Variants in MAST2 observed in about 807,000 individuals in gnomAD.
The protein encoded by MAST2 is microtubule-associated serine/threonine-protein kinase 2.
MAST2 carries 70 observed loss-of-function variants against 147.4 expected under a neutral mutation model. The ratio of observed to expected loss-of-function variants is 0.47; its 90% CI spans 0.39 to 0.58. The LOEUF is 0.58. Ranked by LOEUF, MAST2 falls within the 20% of genes least tolerant of loss-of-function variation. The pLI is 0.00. For missense variants in MAST2, 2,080 were observed against 2,302.3 expected, an observed-to-expected ratio of 0.90 and a Z score of 1.98; for synonymous variants, 869 against 896.8, an observed-to-expected ratio of 0.97 and a Z score of 0.55.
At chr1:46,026,613 G>A (rs1012712043) in intron 16 of MAST2, among the ~76,000 whole-genome samples, 65 of 152,168 alleles carry the variant, frequency 4.3e-4, no homozygotes, top group Non-Finnish European at 1.2e-4. Flanking sequence ...ACCAGGGAAA[G>A]ACAGCAATGC....
intron 4 of MAST2, among the ~76,000 whole-genome samples, chr1:45,902,523 C>CA (rs1649957763): frequency 2.0e-5 from 3 of 151,368 alleles, no homozygotes; most frequent in Non-Finnish European, 4.4e-5. Flanking sequence ...CCCTCATACT[C>CA]AATTTTTTTT....
At chr1:45,849,636 C>T (rs1645559628) in intron 3 of MAST2, among the ~76,000 whole-genome samples, 1 of 152,048 alleles carries the variant, frequency 6.6e-6, no homozygotes, top group Non-Finnish European at 1.5e-5. Context: ...ACACCATTCT[C>T]CTGCCTCAGC....
rs1272494997 is a variant in MAST2 at position 46,034,827 on chromosome 1, G to A, written c.4158G>A (p.Arg1386=). The A allele has an allele frequency of 6.2e-7, 1 of 1,614,174 alleles. No individual in the cohort carries two copies. The highest frequency in any genetic ancestry group is 2.2e-5 in the East Asian group (1 of 44,884). The change falls in exon 29 of 29, where the codon AGG becomes AGA. Residue 1386 remains arginine, a synonymous_variant. Transcript: ENST00000361297. ...TTCACTTGTCACCTCCCCTGGGCAG[G>A]CAACTCTCACGGCCCAAGAGTGCGG... ...TKLHLSPPLG[R]QLSRPKSAEP...
intron 5 of MAST2, among the ~76,000 whole-genome samples, chr1:45,983,109 T>C (rs1230256181): frequency 6.6e-6 from 1 of 152,210 alleles, no homozygotes; most frequent in Non-Finnish European, 1.5e-5. Context: ...AACAACTCCA[T>C]AACTTGGAAA....
intron 15 of MAST2, 165 bp downstream of exon 15, chr1:46,024,145 C>A: frequency 1.5e-6 from 1 of 658,250 alleles, no homozygotes; most frequent in Non-Finnish European, 2.7e-6. Flanking sequence ...CATTTGGCCA[C>A]AGTGGGCACA....
intron 4 of MAST2, among the ~76,000 whole-genome samples, chr1:45,900,446 A>T (rs564422065): frequency 0.1 from 1,026 of 9,938 alleles, 223 homozygotes; most frequent in African/African-American, 0.15. Context: ...GATGTTGGAT[A>T]TTTTTTTTTT....
intron 4 of MAST2, among the ~76,000 whole-genome samples, chr1:45,887,113 C>A (rs576121745): frequency 1.3e-5 from 2 of 152,344 alleles, no homozygotes; most frequent in Admixed American, 1.3e-4. Flanking sequence ...CAGGCATGAA[C>A]CACAATGCCT....
At chr1:45,853,686 T>A (rs1454178082) in intron 3 of MAST2, among the ~76,000 whole-genome samples, 3 of 152,084 alleles carry the variant, frequency 2.0e-5, no homozygotes, top group East Asian at 1.9e-4. Flanking sequence ...AAAAGAAAAA[T>A]TTTTTATACT....
chr1:45,891,543 G>T (rs931474746), intron 4 of MAST2, among the ~76,000 whole-genome samples: 4 of 152,240 alleles, frequency 2.6e-5, no homozygotes, highest in Admixed American at 6.5e-5. Flanking sequence ...TTACAGAGTT[G>T]TAAAGTAGCT....
chr1:45,889,342 A>G (rs1382164134), intron 4 of MAST2, among the ~76,000 whole-genome samples: 1 of 151,978 alleles, frequency 6.6e-6, no homozygotes, highest in Non-Finnish European at 1.5e-5. Flanking sequence ...GCACGCCGCC[A>G]CACCCAGCTA....
intron 17 of MAST2, 95 bp downstream of exon 17, chr1:46,027,958 G>A: frequency 6.7e-7 from 1 of 1,490,950 alleles, no homozygotes; most frequent in Non-Finnish European, 9.2e-7. Context: ...TTGGGAGGCT[G>A]AGGCAGGAGG....
Position 46,035,317 on chromosome 1 carries a change from A to G in MAST2, c.4648A>G (p.Arg1550Gly). The part of the protein sequence containing the change: ...ESGEEDPFPS[R>G]DPRSLGPMVP... The stretch of plus-strand genomic sequence containing the variant: ...TGGGGAAGAGGATCCTTTCCCGTCC[A>G]GAGACCCTAGGAGCCTGGGCCCAAT... The change falls in exon 29 of 29, where the codon AGA (arginine) becomes GGA (glycine). Residue 1550 changes from arginine (R) to glycine (G), a missense_variant. Arg to Gly is a moderately radical substitution (Grantham distance 125, BLOSUM62 -2). This residue lies in a region of MAST2 where 1,278 missense variants were observed against 1,304.2 expected (regional missense o/e 0.98). Coordinates refer to ENST00000361297, the MANE Select transcript of MAST2 (RefSeq NM_015112.3). This position sits in a 1 kb window ranked among gnomAD's most constrained non-coding sequence, Gnocchi z 5.5. The G allele has an allele frequency of 6.2e-7, 1 of 1,613,994 alleles. No homozygotes were observed. The highest frequency in any genetic ancestry group is 1.1e-5 in the South Asian group (1 of 91,084).
intron 4 of MAST2, among the ~76,000 whole-genome samples, chr1:45,903,886 A>G (rs1299654194): frequency 6.6e-6 from 1 of 152,264 alleles, no homozygotes; most frequent in South Asian, 2.1e-4. Context: ...CCTGAATCAG[A>G]AACTGTGAGA....
chr1:45,934,272 CAGG>C (rs767238449), intron 4 of MAST2, among the ~76,000 whole-genome samples: 4 of 152,100 alleles, frequency 2.6e-5, no homozygotes, highest in Non-Finnish European at 4.4e-5. Context: ...ATCATGAGGT[CAGG>C]AGATCGAGAC....
chr1:46,029,821 C>T lies in MAST2; in HGVS notation c.2321-10C>T. 4.3e-6 allele frequency: 7 copies of T among 1,613,778 alleles called. No individual in the cohort carries two copies. Among genetic ancestry groups the T allele is most frequent in the Non-Finnish European group, 5.9e-6 (7 of 1,179,844 alleles). ...TCCTACCCCCTTGCCCATGTCCTCC[C>T]TGTCCACAGGCAGTGCCTATGAGGT... On this transcript the variant is annotated splice_polypyrimidine_tract_variant and intron_variant, in intron 19 of 28. Coordinates refer to ENST00000361297, the MANE Select transcript of MAST2 (RefSeq NM_015112.3).
chr1:45,832,121 T>C (rs1430583647), intron 3 of MAST2, among the ~76,000 whole-genome samples: 2 of 151,964 alleles, frequency 1.3e-5, no homozygotes, highest in Non-Finnish European at 2.9e-5. Context: ...GAAGACCATA[T>C]TGAGATTTTC....
At chr1:45,811,303 A>G (rs1324421332) in intron 1 of MAST2, among the ~76,000 whole-genome samples, 2 of 147,246 alleles carry the variant, frequency 1.4e-5, no homozygotes, top group Non-Finnish European at 3.0e-5. Context: ...AGTACCTGGG[A>G]TGCCACCACG....
intron 5 of MAST2, among the ~76,000 whole-genome samples, chr1:45,963,849 A>G (rs1660787550): frequency 6.6e-6 from 1 of 152,192 alleles, no homozygotes; most frequent in Admixed American, 6.5e-5. Flanking sequence ...CAGTTTTCAA[A>G]GGGAATGCTT....
intron 3 of MAST2, among the ~76,000 whole-genome samples, chr1:45,844,665 A>T (rs376279480): frequency 6.6e-6 from 1 of 152,052 alleles, no homozygotes; most frequent in Non-Finnish European, 1.5e-5. Flanking sequence ...GGCTCAAGCA[A>T]TCCTGCCTCA....
Sources: allele counts gnomAD v4.1 joint callset (sites outside exome capture counted in the v4.1 genomes callset), GRCh38; gene constraint gnomAD v4.1.1; regional missense constraint gnomAD v4.1.1; non-coding constraint Gnocchi (gnomAD v3.1); transcripts MANE v1.5; gene names NCBI Gene and HGNC (gene_info 2026-07-23, HGNC 2026-07-21).